The following ATXN7 variants were observed in gnomAD, a reference collection of about 807,000 sequenced individuals.
The protein encoded by ATXN7 is ataxin 7.
ATXN7 carries 12 observed loss-of-function variants against 70.5 expected under a neutral mutation model. The ratio of observed to expected loss-of-function variants is 0.17; its 90% CI spans 0.11 to 0.28. ATXN7 has a LOEUF of 0.28. Among genes scored for constraint, ATXN7 ranks in the 10% least tolerant of loss-of-function variants. ATXN7 has a pLI of 1.00. For synonymous variants in ATXN7, 498 were observed against 448.7 expected (o/e 1.11, Z -1.39); for missense variants, 1,256 against 1,131.7 (o/e 1.11, Z -1.58).
intron 5 of ATXN7, among the ~76,000 whole-genome samples, chr3:63,971,823 G>C (rs1393924944): frequency 6.6e-6 from 1 of 152,142 alleles, no homozygotes; most frequent in Non-Finnish European, 1.5e-5. Context: ...GTGCAGATTT[G>C]GAAAAGGATC....
chr3:63,915,330 C>T (rs1257976416), intron 4 of ATXN7, among the ~76,000 whole-genome samples: 2 of 152,174 alleles, frequency 1.3e-5, no homozygotes, highest in Admixed American at 6.5e-5. Context: ...GGAACGTACA[C>T]CTGTCTGAGT....
chr3:63,934,866 A>G (rs1409330440), intron 4 of ATXN7, among the ~76,000 whole-genome samples: 1 of 152,130 alleles, frequency 6.6e-6, no homozygotes, highest in African/African-American at 2.4e-5. Flanking sequence ...TTATTGTGAG[A>G]GAATGTTCTA....
intron 1 of ATXN7, among the ~76,000 whole-genome samples, chr3:63,889,011 T>C (rs780317200): frequency 6.6e-5 from 10 of 152,226 alleles, no homozygotes; most frequent in Admixed American, 1.3e-4. Flanking sequence ...AAACGAATAT[T>C]TATTTTTTTA....
At chr3:63,953,953 C>T (rs988470821) in intron 5 of ATXN7, among the ~76,000 whole-genome samples, 7 of 152,078 alleles carry the variant, frequency 4.6e-5, no homozygotes, top group Admixed American at 2.6e-4. Flanking sequence ...AGCCAAGAGA[C>T]GTTTTAAAGT....
rs373250574 is a variant in ATXN7, at chr3:63,909,743, A to C, written c.-11-2845A>C. ...AGTTAGGACTTTTTTATGGGTGAAG[A>C]AAGAGTGGGTAAAATGCATTGGCTG... is the stretch of plus-strand genomic sequence containing the variant. On this transcript the variant is annotated intron_variant, in intron 2 of 12. Transcript: ENST00000674280. Among the ~76,000 whole-genome samples, 47 of 152,294 alleles carry C rather than the reference A, an allele frequency of 3.1e-4. 1 individual carries two copies. Among genetic ancestry groups the C allele is most frequent in the African/African-American group, 1.1e-3 (46 of 41,568 alleles).
rs1447735583 is a variant in ATXN7, at chr3:63,912,720, C to T, written c.122C>T (p.Pro41Leu). 4 of 1,151,014 alleles carry T rather than the reference C, an allele frequency of 3.5e-6. No individual in the cohort carries two copies. Among genetic ancestry groups the T allele is most frequent in the Admixed American group, 8.0e-5 (2 of 24,898 alleles). The allele number at this position is 1,151,014 out of a possible 1,614,324, so 71.3% of individuals were successfully genotyped here. Reference protein sequence around the residue: ...QQQQQQQQQPPPPQPQRQQHP... With the variant: ...QQQQQQQQQPLPPQPQRQQHP... ...CAGCAGCAGCAGCAGCAGCAGCCGC[C>T]GCCTCCGCAGCCCCAGCGGCAGCAG... Residue 41 changes from proline to leucine, a missense_variant, in exon 3 of 13, where the codon CCG becomes CTG. Physicochemically the swap from Pro to Leu is moderately conservative, Grantham distance 98. Coordinates refer to ENST00000674280, the MANE Select transcript of ATXN7 (RefSeq NM_001377405.1).
chr3:63,917,907 C>T (rs1704346593), intron 4 of ATXN7, among the ~76,000 whole-genome samples: 1 of 152,162 alleles, frequency 6.6e-6, no homozygotes, highest in African/African-American at 2.4e-5. Flanking sequence ...GGGGGTGTTG[C>T]TGTATGGCCC....
At chr3:63,990,435 G>A in intron 10 of ATXN7, 61 bp downstream of exon 10, 1 of 1,585,200 alleles carries the variant, frequency 6.3e-7, no homozygotes, top group Non-Finnish European at 8.6e-7. Flanking sequence ...GGGCACTGCA[G>A]GGGGGCGCGC....
In ATXN7 at chr3:63,996,179, A is replaced by T; in HGVS notation, c.2357A>T (p.Glu786Val). Residue 786 changes from glutamate (E) to valine (V), a missense_variant, in exon 12 of 13, where the codon GAA becomes GTA. Coordinates refer to ENST00000674280, the MANE Select transcript of ATXN7 (RefSeq NM_001377405.1). The stretch of plus-strand genomic sequence containing the variant: ...GGCCCCCCCACCGGGAGCCCTGCTG[A>T]ATCCATCAAGAGGATGAGTGTGATG... ...GRGPPTGSPA[E>V]SIKRMSVMVN... 1 of 1,614,144 alleles carries T rather than the reference A, an allele frequency of 6.2e-7. No individual in the cohort carries two copies. The highest frequency in any genetic ancestry group is 1.1e-5 in the South Asian group (1 of 91,082).
chr3:63,863,758 G>A, upstream of ATXN7: 3 of 1,250,244 alleles, frequency 2.4e-6, no homozygotes, highest in Middle Eastern at 3.1e-4. Flanking sequence ...GTGTGGCGGC[G>A]AGCGGGGCCT....
chr3:63,998,808 G>T (rs2075800987), intron 12 of ATXN7: 1 of 554,250 alleles, frequency 1.8e-6, no homozygotes, highest in African/African-American at 2.1e-5. Flanking sequence ...CAAAAGTAGG[G>T]ACCTCTACTT....
rs548189300 is a variant in ATXN7, at chr3:63,885,824, G to A, written c.-110-12575G>A. ...TTGAGACCAGGAGTTCAACCTAGCC[G>A]GGCCAACATGGTGCAACCCCATTTC... On this transcript the variant is annotated intron_variant, in intron 1 of 12. Transcript: ENST00000674280. Among the ~76,000 whole-genome samples the A allele has an allele frequency of 3.3e-5, 5 of 152,064 alleles. No homozygotes were observed. In the South Asian group the frequency reaches 8.3e-4, roughly 25 times the overall value.
intron 5 of ATXN7, among the ~76,000 whole-genome samples, chr3:63,968,724 GCT>G (rs1214577736): frequency 6.6e-6 from 1 of 152,168 alleles, no homozygotes; most frequent in East Asian, 1.9e-4. Context: ...GCAGAGCTAA[GCT>G]GATTCTTGGG....
intron 8 of ATXN7, among the ~76,000 whole-genome samples, chr3:63,984,594 G>A (rs2075543843): frequency 1.3e-5 from 2 of 152,158 alleles, no homozygotes; most frequent in African/African-American, 4.8e-5. Context: ...AGTACCTGTG[G>A]GCAATGAGGT....
At chr3:63,929,274 T>C (rs1704842268) in intron 4 of ATXN7, among the ~76,000 whole-genome samples, 1 of 150,846 alleles carries the variant, frequency 6.6e-6, no homozygotes, top group Admixed American at 6.6e-5. Context: ...TCTCTCTTTT[T>C]TTTTTTTTTT....
intron 11 of ATXN7, chr3:63,991,073 C>T (rs1231648976): frequency 1.6e-6 from 1 of 625,352 alleles, no homozygotes; most frequent in Non-Finnish European, 2.7e-6. Flanking sequence ...AGCAGAAGGA[C>T]TCCCACATGT....
At chr3:63,971,153 G>A (rs1057178532) in intron 5 of ATXN7, among the ~76,000 whole-genome samples, 3 of 152,176 alleles carry the variant, frequency 2.0e-5, no homozygotes, top group African/African-American at 4.8e-5. Flanking sequence ...AAATGATGCC[G>A]AGTGCTTTGT....
intron 5 of ATXN7, among the ~76,000 whole-genome samples, chr3:63,974,356 C>T (rs1480980781): frequency 6.6e-6 from 1 of 152,242 alleles, no homozygotes; most frequent in Non-Finnish European, 1.5e-5. Flanking sequence ...CCTGATTTTG[C>T]CCAGCACTTA....
At chr3:63,999,313 GT>G (rs1449045236) in intron 12 of ATXN7, 136 bp from the exon 13 acceptor site, 1 of 700,846 alleles carries the variant, frequency 1.4e-6, no homozygotes, top group Non-Finnish European at 2.5e-6. Flanking sequence ...ATAGCTGACT[GT>G]TCCTGGTGTC....
Sources: allele counts gnomAD v4.1 joint callset (sites outside exome capture counted in the v4.1 genomes callset), GRCh38; gene constraint gnomAD v4.1.1; transcripts MANE v1.5; gene names NCBI Gene and HGNC (gene_info 2026-07-23, HGNC 2026-07-21).